RPS6KA6: variants seen among roughly 807,000 people sequenced by gnomAD.
RPS6KA6 encodes the protein ribosomal protein S6 kinase alpha-6.
Under a neutral mutation model 65.4 loss-of-function variants are expected in RPS6KA6, and 27 were observed. That is an observed-to-expected ratio of 0.41 (90% CI 0.30 to 0.57). RPS6KA6 has a LOEUF of 0.57. Among genes scored for constraint, RPS6KA6 ranks in the 20% least tolerant of loss-of-function variants. The pLI, the probability that RPS6KA6 is intolerant of heterozygous loss-of-function variation, is 0.24. For missense variants in RPS6KA6, 486 were observed against 555.6 expected (o/e 0.87, Z 1.26); for synonymous variants, 190 against 184.2 (o/e 1.03, Z -0.26).
At chrX:84,082,391 G>C (rs1181619042) in intron 20 of RPS6KA6, among the ~76,000 whole-genome samples, 1 of 111,545 alleles carries the variant, frequency 9.0e-6, no homozygotes, top group Non-Finnish European at 1.9e-5. Flanking sequence ...ACTTACAAGC[G>C]ATGTGAAGGA....
Position 84,187,983 on chromosome X carries a change from CGCCGCCGCCGCCGCCGCCGCCGCCGCG to C in RPS6KA6, c.-111_-85del. On this transcript the variant is annotated 5_prime_UTR_variant, in exon 1 of 22. Coordinates refer to ENST00000262752, the MANE Select transcript of RPS6KA6 (RefSeq NM_014496.5). The stretch of plus-strand genomic sequence containing the variant: ...CCTGTCTATTGAACTGGCCCGCCGC[CGCCGCCGCCGCCGCCGCCGCCGCCGCG>C]ACCCCCAGCCCCGCCTTCAGCGAGC... 1 of 495,900 alleles carries C rather than the reference CGCCGCCGCCGCCGCCGCCGCCGCCGCG, an allele frequency of 2.0e-6. No homozygotes were observed. The highest frequency in any genetic ancestry group is 2.7e-6 in the Non-Finnish European group (1 of 365,312). 40.9% of individuals were successfully genotyped at this position (495,900 alleles called of 1,213,427 possible). A position where few individuals can be genotyped will look rare whatever the true frequency, so the allele number is the denominator to read the frequency against.
intron 6 of RPS6KA6, among the ~76,000 whole-genome samples, chrX:84,135,578 C>G (rs1266874271): frequency 9.0e-6 from 1 of 110,956 alleles, no homozygotes; most frequent in Non-Finnish European, 1.9e-5. Flanking sequence ...ATATAGTAAC[C>G]CTTAGGGTAT....
intron 1 of RPS6KA6, among the ~76,000 whole-genome samples, chrX:84,174,017 C>T (rs1438756002): frequency 2.7e-5 from 3 of 112,113 alleles, no homozygotes; most frequent in Non-Finnish European, 3.8e-5. Context: ...TATATTTTTA[C>T]TATAACACAC....
chrX:84,142,244 A>T (rs929345417), intron 6 of RPS6KA6, among the ~76,000 whole-genome samples: 2 of 111,776 alleles, frequency 1.8e-5, no homozygotes, highest in African/African-American at 6.5e-5. Flanking sequence ...AAATATTTGT[A>T]AATTAAGCAG....
At chrX:84,087,835 C>A (rs968068667) in intron 20 of RPS6KA6, among the ~76,000 whole-genome samples, 29 of 112,074 alleles carry the variant, frequency 2.6e-4, no homozygotes, top group Non-Finnish European at 5.3e-4. Context: ...TCCCATATTT[C>A]TCTGAAGTTT....
At chrX:84,087,083 C>T (rs2033939689) in intron 20 of RPS6KA6, among the ~76,000 whole-genome samples, 1 of 109,636 alleles carries the variant, frequency 9.1e-6, no homozygotes, top group South Asian at 3.9e-4. Flanking sequence ...AGACTGCATA[C>T]CATTGGGTCT....
At position 84,116,341 on chromosome X, in the gene RPS6KA6, C is replaced by T. The variant is rs751992737; in HGVS notation, c.950-54G>A. The T allele has an allele frequency of 1.2e-5, 8 of 683,100 alleles. No homozygotes were observed. In the African/African-American group the frequency reaches 1.8e-4, roughly 15 times the overall value. The allele number at this position is 683,100 out of a possible 1,213,427, so 56.3% of individuals were successfully genotyped here. On this transcript the variant is annotated intron_variant, in intron 11 of 21. Coordinates refer to ENST00000262752, the MANE Select transcript of RPS6KA6 (RefSeq NM_014496.5). Reference sequence around the variant, plus strand: ...TTTATGATTTTTTTTAGTCTTGCTCCCTGGCTTCCAGACTGCTATCTGTAA... The same window carrying T: ...TTTATGATTTTTTTTAGTCTTGCTCTCTGGCTTCCAGACTGCTATCTGTAA...
intron 18 of RPS6KA6, 104 bp downstream of exon 18, chrX:84,101,933 A>G (rs2034266131): frequency 1.5e-6 from 1 of 655,621 alleles, no homozygotes; most frequent in Non-Finnish European, 2.2e-6. Context: ...TGAAAAGGGC[A>G]AGGTAACAGC....
chrX:84,114,719 C>T (rs1396284868), intron 12 of RPS6KA6, among the ~76,000 whole-genome samples: 6 of 111,599 alleles, frequency 5.4e-5, no homozygotes, highest in Non-Finnish European at 9.4e-5. Context: ...TACTACAAGG[C>T]TATAGTAACT....
intron 1 of RPS6KA6, among the ~76,000 whole-genome samples, chrX:84,180,221 A>G (rs898923155): frequency 1.8e-5 from 2 of 111,641 alleles, no homozygotes; most frequent in African/African-American, 6.5e-5. Context: ...ATTTTCACTT[A>G]TGTCTTAATG....
chrX:84,064,376 G>A lies in RPS6KA6; in HGVS notation c.2139C>T (p.Ala713=), dbSNP rs2033353541. The change falls in exon 22 of 22, where the codon GCC becomes GCT. Residue 713 remains alanine (A), a synonymous_variant. Coordinates refer to ENST00000262752, the MANE Select transcript of RPS6KA6 (RefSeq NM_014496.5). ...CTGGTTGAAAGGTCTTGTGAGTCAG[G>A]GCAGAGTATGTTGCAACCATTGCTC... The part of the protein sequence containing the change: ...VKGAMVATYS[A]LTHKTFQPVL... 6 of 1,201,892 alleles carry A rather than the reference G, an allele frequency of 5.0e-6. No homozygotes were observed. Among genetic ancestry groups the A allele is most frequent in the Non-Finnish European group, 6.7e-6 (6 of 892,017 alleles).
chrX:84,136,133 A>G (rs1370245607), intron 6 of RPS6KA6, among the ~76,000 whole-genome samples: 2 of 111,979 alleles, frequency 1.8e-5, no homozygotes, highest in African/African-American at 6.5e-5. Flanking sequence ...GTGAGTATTC[A>G]TTTACACATA....
At chrX:84,111,749 G>C (rs1443397483) in intron 12 of RPS6KA6, among the ~76,000 whole-genome samples, 1 of 111,790 alleles carries the variant, frequency 8.9e-6, no homozygotes, top group Non-Finnish European at 1.9e-5. Flanking sequence ...TAAGTAGAAA[G>C]CTCAAAGATC....
intron 3 of RPS6KA6, among the ~76,000 whole-genome samples, chrX:84,154,937 G>A (rs1202305539): frequency 3.6e-5 from 4 of 111,930 alleles, no homozygotes; most frequent in Non-Finnish European, 5.6e-5. Context: ...CACACTGAGC[G>A]TTCAATAAAT....
rs924963098 is a variant in RPS6KA6 at position 84,059,401 on chromosome X, T to C, written c.*4876A>G. 9.0e-6 allele frequency: 1 copy of C among 111,253 alleles called. No homozygotes were observed. The highest frequency in any genetic ancestry group is 3.3e-5 in the African/African-American group (1 of 30,611). The allele number at this position is 111,253 out of a possible 1,213,427, so 9.2% of individuals were successfully genotyped here. A position where few individuals can be genotyped will look rare whatever the true frequency, so the allele number is the denominator to read the frequency against. ...GCCTCGGCCTCCCAAAGTGCTGGGA[T>C]TACAGGCATGAGCCACTGTGCCCGG... On this transcript the variant is annotated 3_prime_UTR_variant, in exon 22 of 22. Transcript: ENST00000262752.
intron 3 of RPS6KA6, among the ~76,000 whole-genome samples, chrX:84,153,707 G>A (rs1479421305): frequency 9.0e-6 from 1 of 110,978 alleles, no homozygotes; most frequent in Non-Finnish European, 1.9e-5. Context: ...TCACAGCCTT[G>A]GCCAAATTCC....
chrX:84,147,426 C>G (rs1255270340), intron 4 of RPS6KA6, among the ~76,000 whole-genome samples: 1 of 111,218 alleles, frequency 9.0e-6, no homozygotes, highest in African/African-American at 3.3e-5. Context: ...CCCATCTCAG[C>G]TTCCCGAGCA....
At chrX:84,116,013 G>A (rs1039815842) in intron 12 of RPS6KA6, among the ~76,000 whole-genome samples, 1 of 110,752 alleles carries the variant, frequency 9.0e-6, no homozygotes, top group African/African-American at 3.3e-5. Flanking sequence ...TGGTTGATGG[G>A]TACATTAGAA....
chrX:84,083,423 C>T (rs776226314), intron 20 of RPS6KA6, among the ~76,000 whole-genome samples: 24 of 112,125 alleles, frequency 2.1e-4, no homozygotes, highest in East Asian at 5.6e-4. Context: ...TGTTGTTCTC[C>T]GACATGTGTC....
Sources: gnomAD v4.1 joint callset for allele counts (sites outside exome capture counted in the v4.1 genomes callset) on GRCh38, gnomAD v4.1.1 for gene constraint, MANE v1.5 for transcripts, NCBI Gene and HGNC (gene_info 2026-07-23, HGNC 2026-07-21) for gene names.